ADGRL2: variants seen among roughly 807,000 people sequenced by gnomAD.
ADGRL2 encodes the protein calcium-independent alpha-latrotoxin receptor 2.
In ADGRL2, 44 loss-of-function variants were observed where a neutral mutation model predicts 157.4. That is an observed-to-expected ratio of 0.28 (90% CI 0.22 to 0.36). ADGRL2 has a LOEUF of 0.36. Among genes scored for constraint, ADGRL2 ranks in the 10% least tolerant of loss-of-function variants. The pLI is 1.00. For missense variants in ADGRL2, 1,510 were observed against 1,768.9 expected, an observed-to-expected ratio of 0.85 and a Z score of 2.63; for synonymous variants, 585 against 624.7, an observed-to-expected ratio of 0.94 and a Z score of 0.95.
intron 2 of ADGRL2, among the ~76,000 whole-genome samples, chr1:81,855,468 A>C (rs2093169435): frequency 6.6e-6 from 1 of 152,122 alleles, no homozygotes; most frequent in African/African-American, 2.4e-5. Flanking sequence ...AAAACTAAAC[A>C]AAATCAAGTC....
chr1:81,837,027 A>G lies in ADGRL2; in HGVS notation c.43A>G (p.Ile15Val), dbSNP rs771616121. ...CAGAATGCGAAGTCTGTGGTTTATCATTGTAATCAGCTTCTTACCAAATAC... is the reference window on the plus strand; with the variant it reads ...CAGAATGCGAAGTCTGTGGTTTATCGTTGTAATCAGCTTCTTACCAAATAC... ...GCRMRSLWFI[I>V]VISFLPNTEG... is the part of the protein sequence containing the mutation. Residue 15 changes from isoleucine (I) to valine (V), a missense_variant, in exon 2 of 24, where the codon ATT becomes GTT. Ile to Val is a conservative substitution (Grantham distance 29). This residue lies in a region of ADGRL2 where 361 missense variants were observed against 498.4 expected (regional missense o/e 0.72). Coordinates refer to ENST00000686636, the MANE Select transcript of ADGRL2 (RefSeq NM_001366006.2). 9.4e-6 allele frequency: 15 copies of G among 1,593,640 alleles called. No individual in the cohort carries two copies. The highest frequency in any genetic ancestry group is 1.3e-5 in the Non-Finnish European group (15 of 1,171,486).
At chr1:81,753,849 A>G (rs2085571225) in intron 1 of ADGRL2, among the ~76,000 whole-genome samples, 2 of 152,184 alleles carry the variant, frequency 1.3e-5, no homozygotes, top group South Asian at 4.1e-4. Context: ...TAATACCAGA[A>G]AGGAATCCCA....
chr1:81,671,367 G>A (rs755603664), intron 3 of ADGRL2, among the ~76,000 whole-genome samples: 54 of 152,248 alleles, frequency 3.5e-4, no homozygotes, highest in Middle Eastern at 3.4e-3. Context: ...AAGATCCATC[G>A]GTTTTAAGGA....
chr1:81,721,160 C>A (rs182811864), intron 1 of ADGRL2, among the ~76,000 whole-genome samples: 1 of 151,740 alleles, frequency 6.6e-6, no homozygotes, highest in African/African-American at 2.4e-5. Flanking sequence ...GTGTGAGCCA[C>A]CGCACCCCGC....
intron 19 of ADGRL2, 197 bp from the exon 20 acceptor site, chr1:81,984,382 TCTAG>T: frequency 2.2e-6 from 1 of 462,938 alleles, no homozygotes; most frequent in Non-Finnish European, 3.9e-6. Flanking sequence ...TACTAGCCAG[TCTAG>T]TGGACAGAGA....
intron 1 of ADGRL2, among the ~76,000 whole-genome samples, chr1:81,814,875 T>C (rs2090234324): frequency 6.6e-6 from 1 of 151,688 alleles, no homozygotes; most frequent in Non-Finnish European, 1.5e-5. Context: ...AGTTTGTTAT[T>C]TTAAAATGAG....
intron 1 of ADGRL2, among the ~76,000 whole-genome samples, chr1:81,309,116 A>C (rs1659553403): frequency 6.6e-6 from 1 of 152,160 alleles, no homozygotes; most frequent in South Asian, 2.1e-4. Context: ...GGGCTGTAGA[A>C]ACTTGCGACC....
intron 3 of ADGRL2, among the ~76,000 whole-genome samples, chr1:81,685,683 T>C (rs1247234602): frequency 6.6e-6 from 1 of 152,112 alleles, no homozygotes; most frequent in African/African-American, 2.4e-5. Context: ...TGAAGAGGAG[T>C]GGTCAGAGTG....
Position 81,402,440 on chromosome 1 carries a change from G to T in ADGRL2, c.-301-42596G>T, listed in dbSNP as rs1179049571. 3.9e-5 allele frequency among the ~76,000 whole-genome samples: 6 copies of T among 152,192 alleles called. No individual in the cohort carries two copies. In the East Asian group the frequency reaches 1.2e-3, roughly 30 times the overall value. On this transcript the variant is annotated intron_variant, in intron 1 of 24. Transcript: ENST00000370721. ...GATGATTCTTTGATGCACACCAAGAGAATCCACCATATAAAGGTGATGCTA... is the reference window on the plus strand; with the variant it reads ...GATGATTCTTTGATGCACACCAAGATAATCCACCATATAAAGGTGATGCTA...
intron 3 of ADGRL2, among the ~76,000 whole-genome samples, chr1:81,935,412 T>G (rs1365072392): frequency 1.3e-5 from 2 of 151,966 alleles, no homozygotes; most frequent in Admixed American, 1.3e-4. Flanking sequence ...ATTATAAAAT[T>G]TACCTATTTA....
intron 2 of ADGRL2, among the ~76,000 whole-genome samples, chr1:81,536,662 G>A (rs960184587): frequency 6.6e-6 from 1 of 152,062 alleles, no homozygotes; most frequent in African/African-American, 2.4e-5. Context: ...TCCTTTGGTG[G>A]TTATTTTGTT....
intron 2 of ADGRL2, among the ~76,000 whole-genome samples, chr1:81,773,987 A>G (rs2086476306): frequency 6.6e-6 from 1 of 152,196 alleles, no homozygotes; most frequent in Non-Finnish European, 1.5e-5. Context: ...ATGTGAACAC[A>G]TGGGAGATGA....
chr1:81,501,656 T>G (rs1209493382), intron 2 of ADGRL2: 20 of 1,413,252 alleles, frequency 1.4e-5, no homozygotes, highest in Non-Finnish European at 1.7e-5. Context: ...AGCGGCCGCC[T>G]CCTCCGCCAC....
At chr1:81,585,427 C>T (rs2081006041) in intron 3 of ADGRL2, among the ~76,000 whole-genome samples, 1 of 151,966 alleles carries the variant, frequency 6.6e-6, no homozygotes, top group Non-Finnish European at 1.5e-5. Flanking sequence ...GAAAATAATC[C>T]TAAACAGGAA....
rs1664455302 is a variant in ADGRL2, at chr1:81,990,764, C to T, written c.4029C>T (p.His1343=). The change falls in exon 24 of 24, where the codon CAC becomes CAT. Residue 1343 remains histidine (H), a synonymous_variant. Coordinates refer to ENST00000686636, the MANE Select transcript of ADGRL2 (RefSeq NM_001366006.2). ...CACCACTTATTCCTCAGCGGACTCA[C>T]TCCCTTCTGTACCAACCCCAGAAGA... ...LEAPLIPQRT[H]SLLYQPQKKV... is the part of the protein sequence containing the mutation. The T allele has an allele frequency of 6.2e-7, 1 of 1,614,120 alleles. No individual in the cohort carries two copies. The highest frequency in any genetic ancestry group is 8.5e-7 in the Non-Finnish European group (1 of 1,180,020).
At chr1:81,628,774 A>G (rs2081957090) in intron 3 of ADGRL2, among the ~76,000 whole-genome samples, 1 of 152,220 alleles carries the variant, frequency 6.6e-6, no homozygotes, top group African/African-American at 2.4e-5. Flanking sequence ...TGGCATGCAT[A>G]TGTTATAACC....
chr1:81,879,931 G>T (rs2093943580), intron 2 of ADGRL2, among the ~76,000 whole-genome samples: 1 of 152,154 alleles, frequency 6.6e-6, no homozygotes, highest in Non-Finnish European at 1.5e-5. Flanking sequence ...GGTGGCTGAG[G>T]CATGAGAATC....
intron 2 of ADGRL2, among the ~76,000 whole-genome samples, chr1:81,854,388 A>C (rs2093128090): frequency 6.6e-6 from 1 of 152,208 alleles, no homozygotes; most frequent in African/African-American, 2.4e-5. Flanking sequence ...TGGGAAAGAC[A>C]GAAAGTATAA....
intron 1 of ADGRL2, among the ~76,000 whole-genome samples, chr1:81,727,673 C>T (rs1005753010): frequency 4.6e-5 from 7 of 152,078 alleles, no homozygotes; most frequent in African/African-American, 1.2e-4. Flanking sequence ...CCTCATGATC[C>T]GTCCGCCTCA....
Sources: gnomAD v4.1 joint callset for allele counts (sites outside exome capture counted in the v4.1 genomes callset) on GRCh38, gnomAD v4.1.1 for gene constraint, gnomAD v4.1.1 regional missense constraint, MANE v1.5 for transcripts, NCBI Gene and HGNC (gene_info 2026-07-23, HGNC 2026-07-21) for gene names.